Variants in CC2D2A observed in about 807,000 individuals in gnomAD.
CC2D2A encodes coiled-coil and C2 domain-containing protein 2A.
Under a neutral mutation model 212.9 loss-of-function variants are expected in CC2D2A, and 155 were observed. That is an observed-to-expected ratio of 0.73 (90% CI 0.64 to 0.83). The LOEUF (loss-of-function observed/expected upper bound fraction) is 0.83, where lower values mean the gene tolerates loss of function less well. CC2D2A is among the 40% of genes least tolerant of loss of function. CC2D2A has a pLI of 0.00. For synonymous variants in CC2D2A, 667 were observed against 686.5 expected (o/e 0.97, Z 0.44); for missense variants, 1,856 against 1,956.2 (o/e 0.95, Z 0.97).
chr4:15,583,594 A>G (rs1006864739), intron 30 of CC2D2A, among the ~76,000 whole-genome samples: 1 of 152,228 alleles, frequency 6.6e-6, no homozygotes, highest in Admixed American at 6.5e-5. Context: ...ATAGCTACAA[A>G]AATTTATAAG....
chr4:15,550,103 C>T (rs534247302), intron 17 of CC2D2A, among the ~76,000 whole-genome samples: 1 of 152,160 alleles, frequency 6.6e-6, no homozygotes, highest in East Asian at 1.9e-4. Context: ...GCCAAGAATA[C>T]AGGGGATCGA....
At position 15,560,607 on chromosome 4, in the gene CC2D2A, A is replaced by T. The variant is rs773881370; in HGVS notation, c.2999A>T (p.Glu1000Val). ...CTTGCTGATATGATAGTAGAAGAAG[A>T]AGTTCCCAATATCAGGTAAAAATAA... ...FLLADMIVEE[E>V]VPNISILGLS... Residue 1000 changes from glutamate (E) to valine (V), a missense_variant, in exon 23 of 37, where the codon GAA (glutamate) becomes GTA (valine). Physicochemically the swap from Glu to Val is moderately radical, Grantham distance 121 (BLOSUM62 -2). Coordinates refer to ENST00000424120, the MANE Select transcript of CC2D2A (RefSeq NM_001378615.1). 2.7e-5 allele frequency: 39 copies of T among 1,435,906 alleles called. No individual in the cohort carries two copies. The highest frequency in any genetic ancestry group is 7.0e-5 in the East Asian group (3 of 42,790). The allele number at this position is 1,435,906 out of a possible 1,614,324, so 88.9% of individuals were successfully genotyped here.
intron 6 of CC2D2A, among the ~76,000 whole-genome samples, chr4:15,503,962 G>A (rs1202181751): frequency 6.6e-6 from 1 of 152,182 alleles, no homozygotes. Flanking sequence ...TAAGCGCTAA[G>A]ACGGCAGAAA....
At chr4:15,580,637 CAAAAAAAAA>C (rs58107216) in intron 30 of CC2D2A, among the ~76,000 whole-genome samples, 3 of 89,436 alleles carry the variant, frequency 3.4e-5, no homozygotes, top group Admixed American at 2.6e-4. Flanking sequence ...GACTCTGTCT[CAAAAAAAAA>C]AAAAAAAAAA....
At chr4:15,474,195 TG>T (rs1460718766) in intron 1 of CC2D2A, among the ~76,000 whole-genome samples, 1 of 152,070 alleles carries the variant, frequency 6.6e-6, no homozygotes, top group Non-Finnish European at 1.5e-5. Context: ...GAACAGTCAG[TG>T]GGTAAAAGGA....
In CC2D2A at chr4:15,559,206, C is replaced by G; in HGVS notation, c.2871C>G (p.Thr957=). Residue 957 remains threonine, a synonymous_variant, in exon 22 of 37, where the codon ACC becomes ACG. Coordinates refer to ENST00000424120, the MANE Select transcript of CC2D2A (RefSeq NM_001378615.1). The stretch of plus-strand genomic sequence containing the variant: ...TACGAGACAGAAATGTAATAGAAAC[C>G]AAGGAACACATAGACACCCATAGGG... ...KRLRDRNVIE[T]KEHIDTHRAI... The G allele has an allele frequency of 6.4e-7, 1 of 1,553,004 alleles. No homozygotes were observed. Among genetic ancestry groups the G allele is most frequent in the African/African-American group, 1.4e-5 (1 of 73,080 alleles).
chr4:15,481,096 T>C (rs1714612050), intron 4 of CC2D2A: 1 of 467,988 alleles, frequency 2.1e-6, no homozygotes, highest in South Asian at 1.6e-5. Context: ...ATGTTAGAGG[T>C]GGAGCCTAGT....
At chr4:15,596,428 TAA>T (rs35816693) in intron 34 of CC2D2A, among the ~76,000 whole-genome samples, 1 of 151,968 alleles carries the variant, frequency 6.6e-6, no homozygotes, top group Non-Finnish European at 1.5e-5. Flanking sequence ...AGTTTTGATA[TAA>T]AGTTTCATGA....
At chr4:15,589,719 GTTTCT>G in intron 33 of CC2D2A, 40 bp downstream of exon 33, 5 of 1,378,494 alleles carry the variant, frequency 3.6e-6, no homozygotes, top group Non-Finnish European at 4.7e-6. Context: ...GTTAGCTGTC[GTTTCT>G]TTTAAATAAC....
intron 36 of CC2D2A, among the ~76,000 whole-genome samples, 196 bp downstream of exon 36, chr4:15,599,902 ATATAAG>A (rs2148496232): frequency 6.6e-6 from 1 of 152,360 alleles, no homozygotes; most frequent in African/African-American, 2.4e-5. Context: ...ACCATTTTTC[ATATAAG>A]TATCCCATGA....
intron 33 of CC2D2A, among the ~76,000 whole-genome samples, chr4:15,594,364 G>C (rs368483173): frequency 9.2e-5 from 14 of 152,014 alleles, no homozygotes; most frequent in African/African-American, 3.4e-4. Context: ...AAACTAAATG[G>C]CTTCAAACAT....
At chr4:15,494,404 GA>G (rs1233564984) in intron 4 of CC2D2A, among the ~76,000 whole-genome samples, 5 of 152,214 alleles carry the variant, frequency 3.3e-5, no homozygotes, top group African/African-American at 1.2e-4. Context: ...GGGAGAACTA[GA>G]AAAAAAGATA....
At chr4:15,489,571 AC>A (rs1715188755) in intron 4 of CC2D2A, among the ~76,000 whole-genome samples, 1 of 152,102 alleles carries the variant, frequency 6.6e-6, no homozygotes, top group Admixed American at 6.6e-5. Context: ...CCAATTCCCT[AC>A]CCTCCTTTAA....
chr4:15,508,074 T>C (rs1011750577), intron 6 of CC2D2A, among the ~76,000 whole-genome samples: 1 of 152,114 alleles, frequency 6.6e-6, no homozygotes, highest in African/African-American at 2.4e-5. Flanking sequence ...CAAAGCACCA[T>C]ATTTTGGGCC....
intron 4 of CC2D2A, among the ~76,000 whole-genome samples, chr4:15,486,577 A>T (rs1256400257): frequency 6.6e-6 from 1 of 151,786 alleles, no homozygotes; most frequent in Non-Finnish European, 1.5e-5. Flanking sequence ...AAGTTTTGTC[A>T]ATTTTGTTTA....
chr4:15,499,459 A>G (rs940844959), intron 4 of CC2D2A, among the ~76,000 whole-genome samples: 1 of 152,198 alleles, frequency 6.6e-6, no homozygotes, highest in African/African-American at 2.4e-5. Context: ...TAAATGTCAT[A>G]ATTTCAAAAA....
intron 4 of CC2D2A, among the ~76,000 whole-genome samples, chr4:15,499,619 T>C (rs937037169): frequency 3.9e-5 from 6 of 152,186 alleles, no homozygotes; most frequent in African/African-American, 1.4e-4. Flanking sequence ...ATAAAATTGT[T>C]CTAGTAAACC....
chr4:15,593,042 T>C (rs1285061824), intron 33 of CC2D2A, among the ~76,000 whole-genome samples: 1 of 152,212 alleles, frequency 6.6e-6, no homozygotes, highest in Admixed American at 6.5e-5. Flanking sequence ...CCATTATTGT[T>C]TTGCCCTACA....
chr4:15,485,087 T>G (rs1210085369), intron 4 of CC2D2A, among the ~76,000 whole-genome samples: 1 of 152,244 alleles, frequency 6.6e-6, no homozygotes, highest in Non-Finnish European at 1.5e-5. Flanking sequence ...TATTTGGAGC[T>G]TGATAAACAT....
Sources: allele counts gnomAD v4.1 joint callset (sites outside exome capture counted in the v4.1 genomes callset), GRCh38; gene constraint gnomAD v4.1.1; transcripts MANE v1.5; gene names NCBI Gene and HGNC (gene_info 2026-07-23, HGNC 2026-07-21).